Variants in ZFPM2 observed in about 807,000 individuals in gnomAD.
ZFPM2 encodes the protein zinc finger protein ZFPM2.
A neutral mutation model predicts 98.6 loss-of-function variants in ZFPM2; 20 were observed. The ratio of observed to expected loss-of-function variants is 0.20; its 90% CI spans 0.14 to 0.29. The LOEUF (loss-of-function observed/expected upper bound fraction) is 0.29, where lower values mean the gene tolerates loss of function less well. Ranked by LOEUF, ZFPM2 falls within the 10% of genes least tolerant of loss-of-function variation. The probability of loss-of-function intolerance (pLI) is 1.00; values close to 1 mark genes in which losing one functional copy is unlikely to be tolerated. For missense variants in ZFPM2, 1,310 were observed against 1,388.6 expected (o/e 0.94, Z 0.90); for synonymous variants, 518 against 502.7 (o/e 1.03, Z -0.41).
chr8:105,638,079 CTCT>C, intron 5 of ZFPM2, among the ~76,000 whole-genome samples: 1 of 152,016 alleles, frequency 6.6e-6, no homozygotes, highest in African/African-American at 2.4e-5. Flanking sequence ...CAAACTCTCT[CTCT>C]CTATCGTCTG....
At chr8:105,549,798 A>T (rs1814808368) in intron 3 of ZFPM2, among the ~76,000 whole-genome samples, 1 of 151,418 alleles carries the variant, frequency 6.6e-6, no homozygotes, top group Non-Finnish European at 1.5e-5. Flanking sequence ...TTTTTTTTGT[A>T]GAGATATGGT....
At chr8:105,422,212 C>T (rs546530197) in intron 2 of ZFPM2, among the ~76,000 whole-genome samples, 22 of 151,616 alleles carry the variant, frequency 1.5e-4, no homozygotes, top group South Asian at 4.2e-4. Flanking sequence ...CTGAGGCAGG[C>T]GGATCACCTG....
At chr8:105,532,442 G>T (rs1411229520) in intron 3 of ZFPM2, among the ~76,000 whole-genome samples, 1 of 152,122 alleles carries the variant, frequency 6.6e-6, no homozygotes, top group Non-Finnish European at 1.5e-5. Flanking sequence ...TGAACAAAGT[G>T]AATAATTCAA....
At chr8:105,617,683 G>A (rs1174558259) in intron 4 of ZFPM2, among the ~76,000 whole-genome samples, 1 of 152,126 alleles carries the variant, frequency 6.6e-6, no homozygotes, top group African/African-American at 2.4e-5. Context: ...ATGGTGTTGA[G>A]CACCAAGATA....
chr8:105,402,662 G>T (rs1811363876), intron 1 of ZFPM2, among the ~76,000 whole-genome samples: 2 of 151,626 alleles, frequency 1.3e-5, no homozygotes, highest in African/African-American at 4.8e-5. Context: ...TGTTAAATTA[G>T]TCCCAACAAG....
chr8:105,666,492 G>A (rs1380527941), intron 5 of ZFPM2, among the ~76,000 whole-genome samples: 1 of 152,112 alleles, frequency 6.6e-6, no homozygotes, highest in East Asian at 1.9e-4. Context: ...AAATTCCCAA[G>A]CTCATACTTT....
chr8:105,564,817 C>A (rs1298732527), intron 4 of ZFPM2, among the ~76,000 whole-genome samples: 1 of 151,942 alleles, frequency 6.6e-6, no homozygotes, highest in Non-Finnish European at 1.5e-5. Context: ...CCCCGATGGG[C>A]AAAATATTTA....
chr8:105,802,339 C>T lies in ZFPM2; in HGVS notation c.2257C>T (p.Pro753Ser), dbSNP rs776433650. The T allele has an allele frequency of 8.1e-6, 13 of 1,613,660 alleles. No individual in the cohort carries two copies. The African/African-American group carries it at 9.3e-5, about 12-fold the overall frequency. ...EMCLPEQEQR[P>S]PLVQQRFLDV... ...GTGCCTACCTGAGCAGGAACAAAGG[C>T]CTCCACTGGTTCAGCAGAGATTTCT... The change falls in exon 8 of 8, where the codon CCT (proline) becomes TCT (serine). Residue 753 changes from proline (P) to serine (S), a missense_variant. Physicochemically the swap from Pro to Ser is moderately conservative, Grantham distance 74. Transcript: ENST00000407775.
intron 5 of ZFPM2, among the ~76,000 whole-genome samples, chr8:105,779,329 G>A (rs189694800): frequency 8.5e-5 from 13 of 152,222 alleles, no homozygotes; most frequent in Admixed American, 5.2e-4. Context: ...ATGAGCCCCC[G>A]TAGCTGTGCT....
intron 4 of ZFPM2, among the ~76,000 whole-genome samples, chr8:105,562,088 T>C (rs1267479039): frequency 6.6e-6 from 1 of 151,920 alleles, no homozygotes; most frequent in African/African-American, 2.4e-5. Flanking sequence ...GGTGGATCAC[T>C]TGAGGTCAGG....
intron 1 of ZFPM2, among the ~76,000 whole-genome samples, chr8:105,348,355 A>G (rs952603470): frequency 2.0e-5 from 3 of 152,210 alleles, no homozygotes; most frequent in Non-Finnish European, 4.4e-5. Context: ...TCTAGAAATT[A>G]AGTAGAGGGG....
intron 3 of ZFPM2, among the ~76,000 whole-genome samples, chr8:105,526,990 G>A (rs114104404): frequency 0.01 from 1,582 of 152,174 alleles, 27 homozygotes; most frequent in African/African-American, 0.036. Context: ...CACCTTCCCA[G>A]TAGTAATAGC....
chr8:105,406,469 G>T (rs1811461317), intron 1 of ZFPM2, among the ~76,000 whole-genome samples: 1 of 152,012 alleles, frequency 6.6e-6, no homozygotes, highest in African/African-American at 2.4e-5. Context: ...ATGGATTAAA[G>T]ACCTACATGT....
Position 105,420,633 on chromosome 8 carries a change from G to A in ZFPM2, c.199+1331G>A, listed in dbSNP as rs1198326236. 5.3e-5 allele frequency among the ~76,000 whole-genome samples: 8 copies of A among 152,214 alleles called. No individual in the cohort carries two copies. The East Asian group carries it at 1.5e-3, about 29-fold the overall frequency. On this transcript the variant is annotated intron_variant, in intron 2 of 7. Coordinates refer to ENST00000407775, the MANE Select transcript of ZFPM2 (RefSeq NM_012082.4). ...TTCCTAGTGTTGACTCAGATTTCAA[G>A]CCAAATTAATATTTTCCTTAGTTGC...
intron 3 of ZFPM2, among the ~76,000 whole-genome samples, chr8:105,544,890 T>C (rs1317446765): frequency 1.3e-5 from 2 of 152,190 alleles, no homozygotes; most frequent in African/African-American, 4.8e-5. Context: ...TTATATATCA[T>C]GGATTGGTAA....
chr8:105,543,794 G>C (rs183119427), intron 3 of ZFPM2, among the ~76,000 whole-genome samples: 1 of 151,734 alleles, frequency 6.6e-6, no homozygotes, highest in Non-Finnish European at 1.5e-5. Flanking sequence ...TATTCCAGGC[G>C]TAATACTACA....
At chr8:105,489,466 A>ATATATATATATATATATTTTTT (rs1554610604) in intron 3 of ZFPM2, among the ~76,000 whole-genome samples, 1 of 119,810 alleles carries the variant, frequency 8.3e-6, no homozygotes, top group African/African-American at 3.6e-5. Flanking sequence ...ATATATATAT[A>ATATATATATATATATATTTTTT]TTTTTTTTTT....
chr8:105,731,253 C>T (rs1472068582), intron 5 of ZFPM2, among the ~76,000 whole-genome samples: 5 of 151,268 alleles, frequency 3.3e-5, no homozygotes, highest in African/African-American at 1.2e-4. Context: ...AAAGTGAAAC[C>T]ACTTCTCCTT....
chr8:105,506,347 T>G (rs1813698183), intron 3 of ZFPM2, among the ~76,000 whole-genome samples: 2 of 152,336 alleles, frequency 1.3e-5, no homozygotes, highest in African/African-American at 4.8e-5. Flanking sequence ...AGTTTACTAT[T>G]AGGAGTTATT....
Sources: gnomAD v4.1 joint callset for allele counts (sites outside exome capture counted in the v4.1 genomes callset) on GRCh38, gnomAD v4.1.1 for gene constraint, MANE v1.5 for transcripts, NCBI Gene and HGNC (gene_info 2026-07-23, HGNC 2026-07-21) for gene names.